Variants in PLXND1 observed in about 807,000 individuals in gnomAD.
The protein encoded by PLXND1 is plexin D1, also known as plexin-D1.
A neutral mutation model predicts 197.7 loss-of-function variants in PLXND1; 54 were observed. That is an observed-to-expected ratio of 0.27 (90% confidence interval 0.22 to 0.34). PLXND1 has a LOEUF of 0.34. Among genes scored for constraint, PLXND1 ranks in the 10% least tolerant of loss-of-function variants. PLXND1 has a pLI of 1.00. For synonymous variants in PLXND1, 1,180 were observed against 1,161.2 expected (o/e 1.02, Z -0.33); for missense variants, 2,127 against 2,699.2 (o/e 0.79, Z 4.70).
At chr3:129,588,505 GACGAGCCCC>G (rs2085492169) in intron 2 of PLXND1, among the ~76,000 whole-genome samples, 1 of 152,220 alleles carries the variant, frequency 6.6e-6, no homozygotes, top group Non-Finnish European at 1.5e-5. Context: ...GAGCCCCATT[GACGAGCCCC>G]ACATTTTTCC....
intron 25 of PLXND1, 68 bp from the exon 26 acceptor site, chr3:129,563,308 C>T: frequency 7.5e-7 from 1 of 1,332,058 alleles, no homozygotes; most frequent in East Asian, 2.5e-5. Context: ...TTGGGCCAAA[C>T]ACCTTCACGC....
rs975388195 is a variant in PLXND1, at chr3:129,569,928, G to T, written c.3780C>A (p.Ile1260=). 3.7e-6 allele frequency: 6 copies of T among 1,612,456 alleles called. No individual in the cohort carries two copies. The Admixed American group carries it at 8.3e-5, about 22-fold the overall frequency. ...TIQVGNFNQT[I]ATLQLGGSET... Reference sequence around the variant, plus strand: ...CGCTGCCCCCCAGCTGCAGTGTGGCGATGGTCTGGTTGAAGTTCCCTACCT... The same window carrying T: ...CGCTGCCCCCCAGCTGCAGTGTGGCTATGGTCTGGTTGAAGTTCCCTACCT... Residue 1260 remains isoleucine, a synonymous_variant, in exon 20 of 36, where the codon ATC becomes ATA. Coordinates refer to ENST00000324093, the MANE Select transcript of PLXND1 (RefSeq NM_015103.3).
At chr3:129,569,140 T>C (rs2085185138) in intron 20 of PLXND1, 1 of 152,352 alleles carries the variant, frequency 6.6e-6, no homozygotes, top group South Asian at 2.1e-4. Context: ...CCACTCCTTC[T>C]TACGGATAAA....
At chr3:129,586,863 A>G in intron 2 of PLXND1, 144 bp from the exon 3 acceptor site, 1 of 916,722 alleles carries the variant, frequency 1.1e-6, no homozygotes, top group Non-Finnish European at 1.7e-6. Context: ...ACGGGCGTGC[A>G]GGGGAGGGCA....
Position 129,606,557 on chromosome 3 carries a change from C to G in PLXND1, c.83G>C (p.Arg28Pro). The change falls in exon 1 of 36, where the codon CGG becomes CCG. Residue 28 changes from arginine (R) to proline (P), a missense_variant. Transcript: ENST00000324093. ...ASPPPFQTPPRCPVPLLLLLL... is the reference protein window; with the variant it reads ...ASPPPFQTPPPCPVPLLLLLL... ...CAGCAACAGCAGCGGCACCGGGCAC[C>G]GCGGCGGCGTCTGGAACGGCGGGGG... 1 of 1,257,420 alleles carries G rather than the reference C, an allele frequency of 8.0e-7. No individual in the cohort carries two copies. Among genetic ancestry groups the G allele is most frequent in the Non-Finnish European group, 1.0e-6 (1 of 1,002,398 alleles). The allele number at this position is 1,257,420 out of a possible 1,614,324, so 77.9% of individuals were successfully genotyped here. A position where few individuals can be genotyped will look rare whatever the true frequency, so the allele number is the denominator to read the frequency against.
At chr3:129,605,261 T>TTC in intron 1 of PLXND1, 68 bp downstream of exon 1, 8 of 493,800 alleles carry the variant, frequency 1.6e-5, no homozygotes, top group Non-Finnish European at 2.2e-5. Context: ...CCCGCTCGGT[T>TTC]CCCGCCCGCC....
intron 1 of PLXND1, among the ~76,000 whole-genome samples, chr3:129,604,739 C>T (rs868174560): frequency 7.9e-4 from 120 of 152,358 alleles, no homozygotes; most frequent in African/African-American, 2.7e-3. Flanking sequence ...TCCCACTGCA[C>T]ACCTAGCCCT....
chr3:129,565,126 G>A (rs1057500246), intron 25 of PLXND1, among the ~76,000 whole-genome samples: 26 of 152,204 alleles, frequency 1.7e-4, no homozygotes, highest in Non-Finnish European at 3.5e-4. Flanking sequence ...AGCATCCGTT[G>A]AGCCCTTGCA....
In PLXND1 at chr3:129,571,697, A is replaced by C; in HGVS notation, c.3225T>G (p.Ser1075Arg). 1 of 1,613,836 alleles carries C rather than the reference A, an allele frequency of 6.2e-7. No individual in the cohort carries two copies. Among genetic ancestry groups the C allele is most frequent in the Non-Finnish European group, 8.5e-7 (1 of 1,179,972 alleles). The change falls in exon 16 of 36, where the codon AGT (serine) becomes AGG (arginine). Residue 1075 changes from serine to arginine, a missense_variant. Physicochemically the swap from Ser to Arg is moderately radical, Grantham distance 110 (BLOSUM62 -1). Transcript: ENST00000324093. ...CTCACCTGACAGGGCTGCGGCGGGG[A>C]CTGATGGCCGTGATGACCGGGTTCT... ...YMQNPVITAI[S>R]PRRSPVSGGR...
In PLXND1 at chr3:129,556,238, G is replaced by A; in HGVS notation, c.*74C>T. The A allele has an allele frequency of 1.0e-6, 1 of 985,428 alleles. No homozygotes were observed. The highest frequency in any genetic ancestry group is 1.4e-5 in the South Asian group (1 of 73,994). 61.0% of individuals were successfully genotyped at this position (985,428 alleles called of 1,614,324 possible). A position where few individuals can be genotyped will look rare whatever the true frequency, so the allele number is the denominator to read the frequency against. ...TTTCCCAGTCTGAGTCACAGGCACG[G>A]GGTAGAAGATCAAGTTGAGGCCCAG... On this transcript the variant is annotated 3_prime_UTR_variant, in exon 36 of 36. Transcript: ENST00000324093.
intron 25 of PLXND1, among the ~76,000 whole-genome samples, chr3:129,564,366 C>G (rs997622084): frequency 6.6e-6 from 1 of 152,276 alleles, no homozygotes; most frequent in Non-Finnish European, 1.5e-5. Flanking sequence ...GACATCTTGG[C>G]TGGGTGCAGT....
At chr3:129,596,294 C>T (rs562894335) in intron 1 of PLXND1, among the ~76,000 whole-genome samples, 2 of 152,320 alleles carry the variant, frequency 1.3e-5, no homozygotes, top group East Asian at 3.9e-4. Flanking sequence ...ACCAAGGACA[C>T]AGTAGTGGGA....
chr3:129,600,090 C>T (rs1394578686), intron 1 of PLXND1, among the ~76,000 whole-genome samples: 1 of 152,240 alleles, frequency 6.6e-6, no homozygotes, highest in Non-Finnish European at 1.5e-5. Context: ...GGCCTCTTGC[C>T]TTCAAGACAG....
chr3:129,571,987 A>C (rs2085241058), intron 15 of PLXND1, 143 bp from the exon 16 acceptor site: 1 of 723,088 alleles, frequency 1.4e-6, no homozygotes, highest in Non-Finnish European at 2.3e-6. Flanking sequence ...TCTTCTGCCC[A>C]GTTAGTGCCC....
In PLXND1 at chr3:129,565,663, G is replaced by C; in HGVS notation, c.4323-125C>G. ...GAGTGCCTGTGTGGGTGGGTCCTGC[G>C]AGGGGTGAGTGGGGCTAGAATCCTC... On this transcript the variant is annotated intron_variant, in intron 24 of 35. Coordinates refer to ENST00000324093, the MANE Select transcript of PLXND1 (RefSeq NM_015103.3). 5 of 930,788 alleles carry C rather than the reference G, an allele frequency of 5.4e-6. No individual in the cohort carries two copies. In the South Asian group the frequency reaches 7.8e-5, roughly 15 times the overall value. 57.7% of individuals were successfully genotyped at this position (930,788 alleles called of 1,614,324 possible).
At chr3:129,592,624 C>A (rs1021145413) in intron 1 of PLXND1, among the ~76,000 whole-genome samples, 10 of 152,152 alleles carry the variant, frequency 6.6e-5, no homozygotes, top group Admixed American at 2.6e-4. Flanking sequence ...CCCCCTCCCC[C>A]ACCCCGCGCT....
At chr3:129,582,641 A>G (rs1190177185) in intron 8 of PLXND1, among the ~76,000 whole-genome samples, 3 of 152,222 alleles carry the variant, frequency 2.0e-5, no homozygotes, top group African/African-American at 7.2e-5. Context: ...CCATTTGGCC[A>G]TCCTGGCACG....
chr3:129,576,904 T>C lies in PLXND1; in HGVS notation c.2347-1049A>G, dbSNP rs140282963. 2.0e-3 allele frequency among the ~76,000 whole-genome samples: 310 copies of C among 152,250 alleles called. 2 individuals carry two copies. In the Middle Eastern group the frequency reaches 0.031, roughly 15 times the overall value. On this transcript the variant is annotated intron_variant, in intron 9 of 35. Transcript: ENST00000324093. ...TCTCAGGAGCAGCACCAATACATAT[T>C]TGCTGAGTAAACAGACTCAGGTTTT...
intron 20 of PLXND1, 132 bp downstream of exon 20, chr3:129,569,711 T>C: frequency 1.5e-6 from 1 of 645,320 alleles, no homozygotes; most frequent in Non-Finnish European, 2.8e-6. Flanking sequence ...GCCTAACCTG[T>C]TCCCATGGCC....
Sources: allele counts gnomAD v4.1 joint callset (sites outside exome capture counted in the v4.1 genomes callset), GRCh38; gene constraint gnomAD v4.1.1; transcripts MANE v1.5; gene names NCBI Gene and HGNC (gene_info 2026-07-23, HGNC 2026-07-21).